The following CNTNAP4 variants were observed in gnomAD, a reference collection of about 807,000 sequenced individuals.
The protein encoded by CNTNAP4 is contactin-associated protein-like 4.
In CNTNAP4, 98 loss-of-function variants were observed where a neutral mutation model predicts 148.4. That is an observed-to-expected ratio of 0.66 (90% confidence interval 0.56 to 0.78). The LOEUF is 0.78. CNTNAP4 is among the 30% of genes least tolerant of loss of function. The probability of loss-of-function intolerance (pLI) is 0.00; values close to 1 mark genes in which losing one functional copy is unlikely to be tolerated. For synonymous variants in CNTNAP4, 730 were observed against 565.1 expected, an observed-to-expected ratio of 1.29 and a Z score of -4.14; for missense variants, 1,935 against 1,565.6, an observed-to-expected ratio of 1.24 and a Z score of -3.98.
chr16:76,518,290 G>A (rs1039656789), intron 15 of CNTNAP4, among the ~76,000 whole-genome samples: 12 of 151,976 alleles, frequency 7.9e-5, no homozygotes, highest in African/African-American at 2.9e-4. Flanking sequence ...ACAATGCCTG[G>A]CTAATTTTTG....
chr16:76,501,176 C>A (rs1352778812), intron 15 of CNTNAP4, among the ~76,000 whole-genome samples: 1 of 152,112 alleles, frequency 6.6e-6, no homozygotes, highest in East Asian at 1.9e-4. Flanking sequence ...TTACACAATC[C>A]CATGAAGATG....
At chr16:76,451,052 C>G (rs1185103155) in intron 7 of CNTNAP4, among the ~76,000 whole-genome samples, 1 of 152,168 alleles carries the variant, frequency 6.6e-6, no homozygotes, top group East Asian at 1.9e-4. Context: ...CTGTGTGTCC[C>G]CAGCCATGCA....
intron 2 of CNTNAP4, among the ~76,000 whole-genome samples, chr16:76,353,232 A>C (rs996111215): frequency 1.3e-5 from 2 of 152,154 alleles, no homozygotes; most frequent in Non-Finnish European, 2.9e-5. Flanking sequence ...GAAAGATGGA[A>C]ATTTGATGAT....
chr16:76,337,723 T>C (rs1424166295), intron 2 of CNTNAP4, among the ~76,000 whole-genome samples: 1 of 152,044 alleles, frequency 6.6e-6, no homozygotes, highest in South Asian at 2.1e-4. Flanking sequence ...GTGTATTTCA[T>C]CCCTTATCTT....
At chr16:76,312,221 T>C (rs149575859) in intron 1 of CNTNAP4, among the ~76,000 whole-genome samples, 1 of 152,190 alleles carries the variant, frequency 6.6e-6, no homozygotes, top group Non-Finnish European at 1.5e-5. Context: ...ACAGCACCCC[T>C]GGATTCAACC....
intron 8 of CNTNAP4, among the ~76,000 whole-genome samples, chr16:76,455,841 G>A (rs2080708602): frequency 6.6e-6 from 1 of 152,172 alleles, no homozygotes; most frequent in Non-Finnish European, 1.5e-5. Flanking sequence ...GATATGTGTT[G>A]TAGTCTTATG....
chr16:76,551,847 T>A lies in CNTNAP4; in HGVS notation c.3443-1436T>A, dbSNP rs530244815. 6.6e-5 allele frequency among the ~76,000 whole-genome samples: 10 copies of A among 152,336 alleles called. No homozygotes were observed. In the East Asian group the frequency reaches 1.7e-3, roughly 26 times the overall value. On this transcript the variant is annotated intron_variant, in intron 21 of 23. Transcript: ENST00000611870. ...ACGTAGATTCAAGTTGCCCTGAATATACACTCCCATATTATTATATTTTCA... is the reference window on the plus strand; with the variant it reads ...ACGTAGATTCAAGTTGCCCTGAATAAACACTCCCATATTATTATATTTTCA...
chr16:76,400,975 G>A (rs1370736926), intron 3 of CNTNAP4, among the ~76,000 whole-genome samples: 2 of 152,078 alleles, frequency 1.3e-5, no homozygotes, highest in East Asian at 1.9e-4. Flanking sequence ...ATAACATGAC[G>A]TCTCCAGCAT....
chr16:76,406,008 G>A (rs2078588247), intron 3 of CNTNAP4, among the ~76,000 whole-genome samples: 1 of 151,990 alleles, frequency 6.6e-6, no homozygotes, highest in African/African-American at 2.4e-5. Flanking sequence ...TTGAGCTCAG[G>A]AGTTTGAGAC....
rs1410830905 is a variant in CNTNAP4 at position 76,449,832 on chromosome 16, C to A, written c.1045C>A (p.Gln349Lys). Residue 349 changes from glutamine (Q) to lysine (K), a missense_variant, in exon 7 of 24, where the codon CAG (glutamine) becomes AAG (lysine). By Grantham distance (53) the Gln-to-Lys change is moderately conservative (BLOSUM62 1). Coordinates refer to ENST00000611870, the MANE Select transcript of CNTNAP4 (RefSeq NM_033401.5). ...NGVDIIDLAK[Q>K]QKPQIIAMGN... ...AGTGGATATCATTGATTTGGCCAAGCAGCAAAAACCACAGATCATTGCTAT... is the reference window on the plus strand; with the variant it reads ...AGTGGATATCATTGATTTGGCCAAGAAGCAAAAACCACAGATCATTGCTAT... 2 of 1,607,648 alleles carry A rather than the reference C, an allele frequency of 1.2e-6. No homozygotes were observed. The highest frequency in any genetic ancestry group is 3.4e-5 in the Admixed American group (2 of 59,082).
intron 17 of CNTNAP4, among the ~76,000 whole-genome samples, chr16:76,522,687 CTTTCT>C (rs71378619): frequency 0.05 from 1,490 of 29,514 alleles, 23 homozygotes; most frequent in Middle Eastern, 0.079. Flanking sequence ...TCTTTCTCTC[CTTTCT>C]TTTCTTTTCT....
In CNTNAP4 at chr16:76,535,752, T is replaced by G; in HGVS notation, c.2963T>G (p.Phe988Cys). The G allele has an allele frequency of 5.6e-6, 9 of 1,613,890 alleles. No individual in the cohort carries two copies. Among genetic ancestry groups the G allele is most frequent in the Non-Finnish European group, 7.6e-6 (9 of 1,179,850 alleles). ...RPIGFFCDCT[F>C]SAYTGPFCSN... The stretch of plus-strand genomic sequence containing the variant: ...ATTGGGTTCTTTTGTGACTGCACTT[T>G]CTCTGCATACACAGGGCCATTCTGC... Residue 988 changes from phenylalanine to cysteine, a missense_variant, in exon 18 of 24, where the codon TTC (phenylalanine) becomes TGC (cysteine). By Grantham distance (205) the Phe-to-Cys change is radical. Coordinates refer to ENST00000611870, the MANE Select transcript of CNTNAP4 (RefSeq NM_033401.5).
intron 13 of CNTNAP4, among the ~76,000 whole-genome samples, chr16:76,493,175 T>C (rs1359271260): frequency 6.6e-6 from 1 of 152,118 alleles, no homozygotes; most frequent in Non-Finnish European, 1.5e-5. Context: ...ATAAGAAATA[T>C]AATGGGGTAG....
intron 3 of CNTNAP4, among the ~76,000 whole-genome samples, chr16:76,361,878 G>A (rs2013482374): frequency 6.6e-6 from 1 of 152,046 alleles, no homozygotes; most frequent in Admixed American, 6.6e-5. Context: ...ACAGGTGTGA[G>A]GTGATATCTC....
At chr16:76,403,956 C>CA (rs1045636937) in intron 3 of CNTNAP4, among the ~76,000 whole-genome samples, 1 of 152,046 alleles carries the variant, frequency 6.6e-6, no homozygotes, top group African/African-American at 2.4e-5. Context: ...AACAGAAAAC[C>CA]AAATACCATA....
chr16:76,373,788 G>A (rs1275922761), intron 3 of CNTNAP4, among the ~76,000 whole-genome samples: 1 of 151,754 alleles, frequency 6.6e-6, no homozygotes, highest in African/African-American at 2.4e-5. Context: ...CCAGCTACTT[G>A]GGAGGCTGAG....
intron 3 of CNTNAP4, among the ~76,000 whole-genome samples, chr16:76,357,745 A>T (rs912449386): frequency 1.3e-5 from 2 of 152,026 alleles, no homozygotes; most frequent in African/African-American, 4.8e-5. Context: ...TCTAAAAGTG[A>T]CTCTCTCTTG....
intron 4 of CNTNAP4, among the ~76,000 whole-genome samples, chr16:76,434,969 A>T (rs954756543): frequency 6.6e-6 from 1 of 152,082 alleles, no homozygotes; most frequent in African/African-American, 2.4e-5. Flanking sequence ...ATCAGCGTCA[A>T]CTCAGAGACA....
chr16:76,387,689 G>T lies in CNTNAP4; in HGVS notation c.390+32178G>T, dbSNP rs192442550. The stretch of plus-strand genomic sequence containing the variant: ...CAAAGAAGAAATGAAAATTAATGTT[G>T]TTTTAAAAACCATTGAACATGGACA... On this transcript the variant is annotated intron_variant, in intron 3 of 23. Transcript: ENST00000611870. Among the ~76,000 whole-genome samples the T allele has an allele frequency of 1.6e-3, 251 of 152,228 alleles. 1 individual carries two copies. Among genetic ancestry groups the T allele is most frequent in the South Asian group, 0.012 (58 of 4,824 alleles).
Sources: allele counts gnomAD v4.1 joint callset (sites outside exome capture counted in the v4.1 genomes callset), GRCh38; gene constraint gnomAD v4.1.1; transcripts MANE v1.5; gene names NCBI Gene and HGNC (gene_info 2026-07-23, HGNC 2026-07-21).